The following ANKFY1 variants were observed in gnomAD, a reference collection of about 807,000 sequenced individuals.
The protein encoded by ANKFY1 is ankyrin repeat and FYVE domain-containing protein 1.
In ANKFY1, 47 loss-of-function variants were observed where a neutral mutation model predicts 128.3. The observed-to-expected ratio is 0.37, with a 90% CI of 0.29 to 0.47. ANKFY1 has a LOEUF of 0.47. Among genes scored for constraint, ANKFY1 ranks in the 20% least tolerant of loss-of-function variants. The pLI is 1.00. For missense variants in ANKFY1, 1,222 were observed against 1,510.6 expected (o/e 0.81, Z 3.17); for synonymous variants, 553 against 601.6 (o/e 0.92, Z 1.18).
At position 4,185,034 on chromosome 17, in the gene ANKFY1, A is replaced by G. The variant is rs1361099154; in HGVS notation, c.1483T>C (p.Leu495=). 2 of 1,613,052 alleles carry G rather than the reference A, an allele frequency of 1.2e-6. No homozygotes were observed. The highest frequency in any genetic ancestry group is 1.1e-5 in the South Asian group (1 of 91,066). The change falls in exon 12 of 25, where the codon TTG becomes CTG. Residue 495 remains leucine, a synonymous_variant. Transcript: ENST00000341657. ...NHRNKWGETP[L]HTACRHGLAN... is the part of the protein sequence containing the mutation. ...AGGCCATGCCGACACGCTGTGTGCAACGGGGTTTCTCCCTGAATGGAAACA... is the reference window on the plus strand; with the variant it reads ...AGGCCATGCCGACACGCTGTGTGCAGCGGGGTTTCTCCCTGAATGGAAACA...
intron 7 of ANKFY1, among the ~76,000 whole-genome samples, chr17:4,199,996 A>G (rs1215080514): frequency 6.6e-6 from 1 of 152,170 alleles, no homozygotes; most frequent in Admixed American, 6.5e-5. Flanking sequence ...GCTGGGTGAA[A>G]GCAATTGCTC....
chr17:4,183,308 C>A, intron 14 of ANKFY1, 90 bp downstream of exon 14: 1 of 1,510,368 alleles, frequency 6.6e-7, no homozygotes, highest in Non-Finnish European at 9.0e-7. Flanking sequence ...TAATATGAAA[C>A]AAAAACACTT....
At chr17:4,260,952 A>G (rs1968384801) in intron 1 of ANKFY1, among the ~76,000 whole-genome samples, 1 of 152,136 alleles carries the variant, frequency 6.6e-6, no homozygotes, top group African/African-American at 2.4e-5. Context: ...TCTGCTATTT[A>G]TTTATATTTA....
intron 3 of ANKFY1, 82 bp downstream of exon 3, chr17:4,235,690 T>C (rs1442220867): frequency 1.1e-6 from 1 of 931,540 alleles, no homozygotes; most frequent in African/African-American, 1.7e-5. Context: ...AAATCACAAA[T>C]ATTTCAAAAT....
chr17:4,235,292 G>A (rs1198495624), intron 3 of ANKFY1, among the ~76,000 whole-genome samples: 3 of 144,872 alleles, frequency 2.1e-5, no homozygotes, highest in Admixed American at 7.1e-5. Context: ...GCAGAGAGCC[G>A]AGATCACTAT....
rs2059511189 is a variant in ANKFY1 at position 4,181,276 on chromosome 17, T to C, written c.2218A>G (p.Thr740Ala). The C allele has an allele frequency of 1.9e-6, 3 of 1,613,620 alleles. No individual in the cohort carries two copies. In the South Asian group the frequency reaches 3.3e-5, roughly 18 times the overall value. Residue 740 changes from threonine (T) to alanine (A), a missense_variant, in exon 16 of 25, where the codon ACC becomes GCC. By Grantham distance (58) the Thr-to-Ala change is moderately conservative. Transcript: ENST00000341657. This position sits in a 1 kb window ranked among gnomAD's most constrained non-coding sequence, Gnocchi z 4.9. ...HRAIDENNEPTACFLIRSGCD... is the reference protein window; with the variant it reads ...HRAIDENNEPAACFLIRSGCD... ...GACCTGCGAATAAGAAAGCAGGCGG[T>C]GGGCTCGTTGTTTTCATCAATGGCT...
chr17:4,239,725 G>A (rs1343996975), intron 2 of ANKFY1, among the ~76,000 whole-genome samples: 1 of 151,966 alleles, frequency 6.6e-6, no homozygotes, highest in Non-Finnish European at 1.5e-5. Context: ...TTTTAGTACA[G>A]ACGGGGTTTC....
At chr17:4,227,919 G>A (rs2143189806) in intron 3 of ANKFY1, among the ~76,000 whole-genome samples, 1 of 152,206 alleles carries the variant, frequency 6.6e-6, no homozygotes, top group South Asian at 2.1e-4. Flanking sequence ...CACGGCTAAT[G>A]GGAATGTAAA....
Position 4,182,218 on chromosome 17 carries a change from G to A in ANKFY1, c.2084C>T (p.Ala695Val). The stretch of plus-strand genomic sequence containing the variant: ...GATGTCCTCCAGATTGTTTGCCAAT[G>A]CAAGCCACAGCGGGGGGTTCCCCTT... ...DEKGNPPLWL[A>V]LANNLEDIAS... The change falls in exon 15 of 25, where the codon GCA (alanine) becomes GTA (valine). Residue 695 changes from alanine (A) to valine (V), a missense_variant. Transcript: ENST00000341657. 1.9e-6 allele frequency: 3 copies of A among 1,577,198 alleles called. No individual in the cohort carries two copies. Among genetic ancestry groups the A allele is most frequent in the Non-Finnish European group, 2.6e-6 (3 of 1,158,452 alleles).
intron 13 of ANKFY1, 41 bp from the exon 14 acceptor site, chr17:4,183,592 C>G (rs1222273600): frequency 6.2e-7 from 1 of 1,602,302 alleles, no homozygotes; most frequent in Admixed American, 1.7e-5. Context: ...TCGGCTTTTC[C>G]CGCTTCCTCA....
chr17:4,174,884 G>T (rs1238562253), intron 19 of ANKFY1, among the ~76,000 whole-genome samples: 1 of 151,686 alleles, frequency 6.6e-6, no homozygotes, highest in Non-Finnish European at 1.5e-5. Context: ...CCCTATACCT[G>T]GCTAATTAAA....
chr17:4,197,675 C>A, intron 7 of ANKFY1, 98 bp from the exon 8 acceptor site: 4 of 1,126,168 alleles, frequency 3.6e-6, no homozygotes, highest in South Asian at 2.7e-5. Flanking sequence ...CAAAGGAGAG[C>A]GATAACTAGA....
chr17:4,197,807 C>T (rs149475597), intron 7 of ANKFY1, among the ~76,000 whole-genome samples: 362 of 152,270 alleles, frequency 2.4e-3, no homozygotes, highest in African/African-American at 8.2e-3. Context: ...GTCCTGCCTC[C>T]TCACCTCAGT....
At chr17:4,232,169 C>T (rs1161855326) in intron 3 of ANKFY1, among the ~76,000 whole-genome samples, 1 of 152,104 alleles carries the variant, frequency 6.6e-6, no homozygotes, top group Non-Finnish European at 1.5e-5. Context: ...TTTTATCAAG[C>T]CTGTTGGTGT....
intron 19 of ANKFY1, among the ~76,000 whole-genome samples, chr17:4,176,864 T>A (rs1016992728): frequency 6.6e-6 from 1 of 152,220 alleles, no homozygotes; most frequent in Admixed American, 6.5e-5. Context: ...CTCCACTTCC[T>A]CGGTGCTCCC....
intron 19 of ANKFY1, among the ~76,000 whole-genome samples, chr17:4,176,059 G>A (rs2059406930): frequency 6.6e-6 from 1 of 152,188 alleles, no homozygotes; most frequent in African/African-American, 2.4e-5. Context: ...CTCCTTGGCT[G>A]CTTCCCCCAC....
chr17:4,175,024 G>A (rs1171356272), intron 19 of ANKFY1, among the ~76,000 whole-genome samples: 3 of 149,888 alleles, frequency 2.0e-5, no homozygotes, highest in Non-Finnish European at 3.0e-5. Context: ...CACTGCACCC[G>A]GCCTGTTTTT....
intron 7 of ANKFY1, among the ~76,000 whole-genome samples, chr17:4,200,381 G>C (rs1454191518): frequency 6.6e-6 from 1 of 152,080 alleles, no homozygotes; most frequent in Non-Finnish European, 1.5e-5. Flanking sequence ...TCTTTCAAGG[G>C]TTCAGTTAAA....
Position 4,207,820 on chromosome 17 carries a change from G to A in ANKFY1, c.732+113C>T, listed in dbSNP as rs565757009. On this transcript the variant is annotated intron_variant, in intron 6 of 24. Transcript: ENST00000341657. ...TGAACAAACTATTTAGTAGAAATCCGTACGTTAAAGACTGTGCCAGTCATG... is the reference window on the plus strand; with the variant it reads ...TGAACAAACTATTTAGTAGAAATCCATACGTTAAAGACTGTGCCAGTCATG... 6.1e-5 allele frequency: 66 copies of A among 1,082,380 alleles called. No homozygotes were observed. In the East Asian group the frequency reaches 7.2e-4, roughly 12 times the overall value. 67.0% of individuals were successfully genotyped at this position (1,082,380 alleles called of 1,614,324 possible).
Sources: gnomAD v4.1 joint callset for allele counts (sites outside exome capture counted in the v4.1 genomes callset) on GRCh38, gnomAD v4.1.1 for gene constraint, Gnocchi (gnomAD v3.1) non-coding constraint, MANE v1.5 for transcripts, NCBI Gene and HGNC (gene_info 2026-07-23, HGNC 2026-07-21) for gene names.